The following SLC35E3 variants were observed in gnomAD, a reference collection of about 807,000 sequenced individuals.
SLC35E3 encodes bladder cancer-overexpressed gene 1 protein.
A neutral mutation model predicts 30.8 loss-of-function variants in SLC35E3; 28 were observed. That is an observed-to-expected ratio of 0.91 (90% CI 0.67 to 1.25). The LOEUF (loss-of-function observed/expected upper bound fraction) is 1.25, where lower values mean the gene tolerates loss of function less well. Ranked by LOEUF, SLC35E3 falls within the 50% of genes most tolerant of loss-of-function variation. The probability of loss-of-function intolerance (pLI) is 0.00; values close to 1 mark genes in which losing one functional copy is unlikely to be tolerated. For synonymous variants in SLC35E3, 146 were observed against 149.2 expected (o/e 0.98, Z 0.16); for missense variants, 365 against 375.4 (o/e 0.97, Z 0.23).
rs1401803565 is a variant in SLC35E3 at position 68,780,151 on chromosome 12, TA to T, written c.*15265del. ...TTTATTTTTAAATCTTAACAATTTC[TA>T]AAATCACACTTTTTAATTTATTTTG... On this transcript the variant is annotated 3_prime_UTR_variant, in exon 5 of 5. Transcript: ENST00000398004. 6.6e-6 allele frequency: 1 copy of T among 152,130 alleles called. No individual in the cohort carries two copies. The highest frequency in any genetic ancestry group is 2.4e-5 in the African/African-American group (1 of 41,440). 9.4% of individuals were successfully genotyped at this position (152,130 alleles called of 1,614,324 possible).
intron 4 of SLC35E3, among the ~76,000 whole-genome samples, chr12:68,759,507 C>A (rs1346051884): frequency 6.6e-6 from 1 of 152,034 alleles, no homozygotes; most frequent in African/African-American, 2.4e-5. Context: ...AGTTCAAGAC[C>A]AGCCTGGATA....
In SLC35E3 at chr12:68,765,116, C is replaced by T. The variant is rs1399234136; in HGVS notation, c.*226C>T. On this transcript the variant is annotated 3_prime_UTR_variant, in exon 5 of 5. Transcript: ENST00000398004. ...AACTAATAATACAAAATTAGCCAGG[C>T]GTGGTGGCGCATGCCTGTAATCCCA... 4 of 308,916 alleles carry T rather than the reference C, an allele frequency of 1.3e-5. No homozygotes were observed. The highest frequency in any genetic ancestry group is 4.7e-5 in the South Asian group (1 of 21,290). 19.1% of individuals were successfully genotyped at this position (308,916 alleles called of 1,614,324 possible). A position where few individuals can be genotyped will look rare whatever the true frequency, so the allele number is the denominator to read the frequency against.
intron 3 of SLC35E3, among the ~76,000 whole-genome samples, chr12:68,757,837 C>T (rs1287354533): frequency 6.6e-6 from 1 of 152,142 alleles, no homozygotes; most frequent in Non-Finnish European, 1.5e-5. Context: ...CCTGTAATCC[C>T]AGCACTTTGG....
At chr12:68,756,582 A>G (rs1879013788) in intron 3 of SLC35E3, among the ~76,000 whole-genome samples, 1 of 152,220 alleles carries the variant, frequency 6.6e-6, no homozygotes, top group Non-Finnish European at 1.5e-5. Context: ...AGCTAACTGA[A>G]TCTAATGACG....
At chr12:68,755,527 A>G (rs1249665927) in intron 3 of SLC35E3, among the ~76,000 whole-genome samples, 3 of 152,212 alleles carry the variant, frequency 2.0e-5, no homozygotes, top group Admixed American at 2.0e-4. Context: ...TTATAAAAGC[A>G]TACCTGAGAC....
Position 68,765,027 on chromosome 12 carries a change from C to T in SLC35E3, c.*137C>T, listed in dbSNP as rs1592545916. The T allele has an allele frequency of 4.3e-6, 3 of 696,496 alleles. No homozygotes were observed. The East Asian group carries it at 8.9e-5, about 21-fold the overall frequency. The allele number at this position is 696,496 out of a possible 1,614,324, so 43.1% of individuals were successfully genotyped here. On this transcript the variant is annotated 3_prime_UTR_variant, in exon 5 of 5. Transcript: ENST00000398004. ...ATCCCAGCACTTTGGGAGGCCAAGG[C>T]CAGCGGATCACTTGAGGTCAGGAGT...
At chr12:68,748,382 T>G (rs1368922255) in intron 2 of SLC35E3, among the ~76,000 whole-genome samples, 1 of 152,202 alleles carries the variant, frequency 6.6e-6, no homozygotes, top group East Asian at 1.9e-4. Context: ...ACTTTTAACA[T>G]TGTTGTGAAG....
intron 4 of SLC35E3, 95 bp downstream of exon 4, chr12:68,759,334 C>T (rs1341383586): frequency 2.3e-6 from 2 of 865,680 alleles, no homozygotes; most frequent in African/African-American, 3.4e-5. Context: ...CTAACTATTG[C>T]ATGGCCTAAA....
chr12:68,757,896 T>A (rs1879083020), intron 3 of SLC35E3, among the ~76,000 whole-genome samples: 1 of 151,542 alleles, frequency 6.6e-6, no homozygotes, highest in African/African-American at 2.4e-5. Flanking sequence ...GAGACCAGCC[T>A]GGCCAACATG....
intron 4 of SLC35E3, among the ~76,000 whole-genome samples, chr12:68,762,611 C>A (rs1226365391): frequency 6.6e-6 from 1 of 152,144 alleles, no homozygotes; most frequent in African/African-American, 2.4e-5. Context: ...TTTGTTGTTG[C>A]TTTTACAAAA....
At chr12:68,763,170 G>A (rs1434798989) in intron 4 of SLC35E3, among the ~76,000 whole-genome samples, 3 of 152,188 alleles carry the variant, frequency 2.0e-5, no homozygotes, top group East Asian at 3.8e-4. Context: ...GAAGCTTTGT[G>A]TATATTAACT....
rs1341449178 is a variant in SLC35E3 at position 68,777,338 on chromosome 12, A to T, written c.*12448A>T. 3 of 152,126 alleles carry T rather than the reference A, an allele frequency of 2.0e-5. No individual in the cohort carries two copies. The East Asian group carries it at 5.8e-4, about 29-fold the overall frequency. 9.4% of individuals were successfully genotyped at this position (152,126 alleles called of 1,614,324 possible). A position where few individuals can be genotyped will look rare whatever the true frequency, so the allele number is the denominator to read the frequency against. On this transcript the variant is annotated 3_prime_UTR_variant, in exon 5 of 5. Coordinates refer to ENST00000398004, the MANE Select transcript of SLC35E3 (RefSeq NM_018656.5). ...GCTATTCTTCTGAAATCATAACATC[A>T]TGAGGACATCCACTGCTTGTACTCA...
At chr12:68,751,935 A>G in intron 2 of SLC35E3, 97 bp from the exon 3 acceptor site, 1 of 1,196,574 alleles carries the variant, frequency 8.4e-7, no homozygotes, top group Non-Finnish European at 1.2e-6. Flanking sequence ...CCTAGTCTAT[A>G]CCCCACATTC....
rs7966848 is a variant in SLC35E3 at position 68,769,237 on chromosome 12, A to G, written c.*4347A>G. On this transcript the variant is annotated 3_prime_UTR_variant, in exon 5 of 5. Transcript: ENST00000398004. ...AGCCTGGGCAACAGAGCAAGACTCCATCTCAATAATAATAATAATAATAAC... is the reference window on the plus strand; with the variant it reads ...AGCCTGGGCAACAGAGCAAGACTCCGTCTCAATAATAATAATAATAATAAC... 0.4 allele frequency: 51,138 copies of G among 128,646 alleles called. 9,207 individuals are homozygous for G. Among genetic ancestry groups the G allele is most frequent in the African/African-American group, 0.52 (18,605 of 35,546 alleles). 8.0% of individuals were successfully genotyped at this position (128,646 alleles called of 1,614,324 possible).
At position 68,776,871 on chromosome 12, in the gene SLC35E3, TC is replaced by T. The variant is rs1172891549; in HGVS notation, c.*11984del. 6.6e-6 allele frequency: 1 copy of T among 152,162 alleles called. No homozygotes were observed. Among genetic ancestry groups the T allele is most frequent in the Non-Finnish European group, 1.5e-5 (1 of 68,050 alleles). 9.4% of individuals were successfully genotyped at this position (152,162 alleles called of 1,614,324 possible). A position where few individuals can be genotyped will look rare whatever the true frequency, so the allele number is the denominator to read the frequency against. On this transcript the variant is annotated 3_prime_UTR_variant, in exon 5 of 5. Coordinates refer to ENST00000398004, the MANE Select transcript of SLC35E3 (RefSeq NM_018656.5). ...ACCAGTTCCAGCCAGGAACAGACTT[TC>T]CCACCAAGTGGGAGGTGGTCTACCT... is the stretch of plus-strand genomic sequence containing the variant.
At chr12:68,761,412 A>G (rs1403085096) in intron 4 of SLC35E3, among the ~76,000 whole-genome samples, 6 of 152,192 alleles carry the variant, frequency 3.9e-5, no homozygotes, top group African/African-American at 7.2e-5. Context: ...AAAATAAATC[A>G]TAGAATCACT....
chr12:68,762,024 G>A (rs961752950), intron 4 of SLC35E3, among the ~76,000 whole-genome samples: 4 of 151,888 alleles, frequency 2.6e-5, no homozygotes, highest in Non-Finnish European at 5.9e-5. Context: ...GAAGTGGCGC[G>A]ATCATGGTTC....
rs1198433658 is a variant in SLC35E3 at position 68,771,570 on chromosome 12, A to G, written c.*6680A>G. 1 of 152,244 alleles carries G rather than the reference A, an allele frequency of 6.6e-6. No individual in the cohort carries two copies. The highest frequency in any genetic ancestry group is 1.9e-4 in the East Asian group (1 of 5,198). The allele number at this position is 152,244 out of a possible 1,614,324, so 9.4% of individuals were successfully genotyped here. ...ACTGTGGCTTATGCCTGTAATCCCA[A>G]CATTTTTGAGAGGCCAAGCTGGGTG... On this transcript the variant is annotated 3_prime_UTR_variant, in exon 5 of 5. Transcript: ENST00000398004.
chr12:68,754,671 A>T (rs1185423935), intron 3 of SLC35E3, among the ~76,000 whole-genome samples: 1 of 152,034 alleles, frequency 6.6e-6, no homozygotes, highest in African/African-American at 2.4e-5. Context: ...ACATCCTTGT[A>T]CATCATGTGT....
Sources: allele counts gnomAD v4.1 joint callset (sites outside exome capture counted in the v4.1 genomes callset), GRCh38; gene constraint gnomAD v4.1.1; transcripts MANE v1.5; gene names NCBI Gene and HGNC (gene_info 2026-07-23, HGNC 2026-07-21).